The following COL20A1 variants were observed in gnomAD, a reference collection of about 807,000 sequenced individuals.
The protein encoded by COL20A1 is collagen type XX alpha 1 chain.
Under a neutral mutation model 152.9 loss-of-function variants are expected in COL20A1, and 164 were observed. The ratio of observed to expected loss-of-function variants is 1.07; its 90% CI spans 0.94 to 1.22. The LOEUF (loss-of-function observed/expected upper bound fraction) is 1.22, where lower values mean the gene tolerates loss of function less well. Among genes scored for constraint, COL20A1 ranks in the 50% most tolerant of loss-of-function variants. The pLI is 0.00. For synonymous variants in COL20A1, 864 were observed against 756.0 expected (o/e 1.14, Z -2.34); for missense variants, 1,873 against 1,744.8 (o/e 1.07, Z -1.31).
intron 27 of COL20A1, among the ~76,000 whole-genome samples, chr20:63,324,089 T>C (rs1188654851): frequency 6.6e-6 from 1 of 152,206 alleles, no homozygotes; most frequent in Non-Finnish European, 1.5e-5. Context: ...TCCCTACGTA[T>C]GTCCTCTTTT....
intron 27 of COL20A1, 133 bp downstream of exon 27, chr20:63,322,244 G>A: frequency 2.9e-6 from 2 of 699,950 alleles, no homozygotes; most frequent in Non-Finnish European, 2.2e-6. Flanking sequence ...GTCTCCCCAA[G>A]CTGCAGACAG....
intron 21 of COL20A1, among the ~76,000 whole-genome samples, chr20:63,317,009 T>C (rs2068093457): frequency 6.6e-6 from 1 of 150,886 alleles, no homozygotes; most frequent in South Asian, 2.1e-4. Context: ...CCTGAGGCGA[T>C]GGGCCAAACT....
At chr20:63,318,994 G>A (rs981255198) in intron 21 of COL20A1, 64 bp from the exon 22 acceptor site, 27 of 1,357,142 alleles carry the variant, frequency 2.0e-5, no homozygotes, top group African/African-American at 1.6e-4. Flanking sequence ...CGAGCGGATC[G>A]TTCTGCCAGG....
Position 63,319,343 on chromosome 20 carries a change from A to AG in COL20A1, c.2807-139dup. Reference sequence around the variant, plus strand: ...TGGGTGGGAGGCAGGTGTCCCGGGCAGGGGGCTGTGGGCCACATTGAGGGT... The same window carrying AG: ...TGGGTGGGAGGCAGGTGTCCCGGGCAGGGGGGCTGTGGGCCACATTGAGGGT... On this transcript the variant is annotated intron_variant, in intron 22 of 35. Transcript: ENST00000358894. This position sits in a 1 kb window ranked among gnomAD's most constrained non-coding sequence, Gnocchi z 4.4. 1.8e-6 allele frequency: 2 copies of AG among 1,120,786 alleles called. No individual in the cohort carries two copies. The highest frequency in any genetic ancestry group is 2.5e-6 in the Non-Finnish European group (2 of 792,288). 69.4% of individuals were successfully genotyped at this position (1,120,786 alleles called of 1,614,324 possible).
intron 8 of COL20A1, 116 bp from the exon 9 acceptor site, chr20:63,309,217 A>T: frequency 1.3e-6 from 1 of 788,246 alleles, no homozygotes; most frequent in Non-Finnish European, 1.8e-6. Flanking sequence ...AGGTGGGCCG[A>T]GTACAGCCCA....
Position 63,311,474 on chromosome 20 carries a change from G to A in COL20A1, c.1474G>A (p.Gly492Arg), listed in dbSNP as rs748087648. 28 of 1,576,098 alleles carry A rather than the reference G, an allele frequency of 1.8e-5. No individual in the cohort carries two copies. The South Asian group carries it at 2.3e-4, about 13-fold the overall frequency. ...TVHLTWQPSA[G>R]ATHYLVRCSP... ...CCACCTCACCTGGCAGCCCTCGGCCGGGGCCACCCACTACCTGGTGCGATG... is the reference window on the plus strand; with the variant it reads ...CCACCTCACCTGGCAGCCCTCGGCCAGGGCCACCCACTACCTGGTGCGATG... The change falls in exon 12 of 36, where the codon GGG becomes AGG. Residue 492 changes from glycine to arginine, a missense_variant. By Grantham distance (125) the Gly-to-Arg change is moderately radical. Transcript: ENST00000358894. The surrounding 1 kb of genome is among the most constrained non-coding windows in gnomAD (Gnocchi z 4.4).
chr20:63,326,781 C>T lies in COL20A1; in HGVS notation c.3486C>T (p.Gly1162=). ...RGFQGMAGAR[G]TSGERGPPGT... ...TCCAGGGCATGGCAGGGGCCAGGGG[C>T]ACTAGTGGAGAGCGAGGACCTCCAG... The change falls in exon 31 of 36, where the codon GGC becomes GGT. Residue 1162 remains glycine (G), a synonymous_variant. Transcript: ENST00000358894. 6.7e-7 allele frequency: 1 copy of T among 1,494,864 alleles called. No individual in the cohort carries two copies. The highest frequency in any genetic ancestry group is 8.8e-7 in the Non-Finnish European group (1 of 1,133,010). 92.6% of individuals were successfully genotyped at this position (1,494,864 alleles called of 1,614,324 possible).
At chr20:63,320,226 C>T in intron 24 of COL20A1, 29 bp downstream of exon 24, 2 of 1,601,188 alleles carry the variant, frequency 1.2e-6, no homozygotes, top group African/African-American at 1.3e-5. Flanking sequence ...ACCTGCTGGG[C>T]CACGCTGGTG....
chr20:63,297,996 C>A lies in COL20A1; in HGVS notation c.169C>A (p.Leu57Met), dbSNP rs144861412. The A allele has an allele frequency of 7.8e-3, 12,622 of 1,612,154 alleles. 57 individuals are homozygous for A. Among genetic ancestry groups the A allele is most frequent in the Non-Finnish European group, 8.8e-3 (10,362 of 1,179,620 alleles). ...RESEGSGLGY[L>M]VQVKPMAGDS... Reference sequence around the variant, plus strand: ...GTCGGAGGGGAGCGGCCTCGGCTACCTGGTGCAGGTGAAGCCCATGGCAGG... The same window carrying A: ...GTCGGAGGGGAGCGGCCTCGGCTACATGGTGCAGGTGAAGCCCATGGCAGG... The change falls in exon 3 of 36, where the codon CTG (leucine) becomes ATG (methionine). Residue 57 changes from leucine (L) to methionine (M), a missense_variant. Transcript: ENST00000358894.
intron 2 of COL20A1, among the ~76,000 whole-genome samples, chr20:63,296,901 T>C (rs1433056858): frequency 6.6e-6 from 1 of 151,746 alleles, no homozygotes; most frequent in Non-Finnish European, 1.5e-5. Flanking sequence ...GAAGCCCATC[T>C]CTGTCCCCAT....
intron 3 of COL20A1, among the ~76,000 whole-genome samples, chr20:63,301,185 C>T (rs555938998): frequency 3.3e-5 from 5 of 152,262 alleles, no homozygotes; most frequent in African/African-American, 1.2e-4. Context: ...CGTGGTGGCA[C>T]ACACCTGTAA....
At position 63,297,688 on chromosome 20, in the gene COL20A1, G is replaced by A. The variant is rs552102002; in HGVS notation, c.83-222G>A. On this transcript the variant is annotated intron_variant, in intron 2 of 35. Transcript: ENST00000358894. ...GGGTGGCCCTGTGACTGCGGACCCCGGGGAGGGCCGGGTTCTCCTCAGCGC... is the reference window on the plus strand; with the variant it reads ...GGGTGGCCCTGTGACTGCGGACCCCAGGGAGGGCCGGGTTCTCCTCAGCGC... Among the ~76,000 whole-genome samples, 11 of 152,216 alleles carry A rather than the reference G, an allele frequency of 7.2e-5. 1 individual carries two copies. Among genetic ancestry groups the A allele is most frequent in the Non-Finnish European group, 1.2e-4 (8 of 68,022 alleles).
intron 6 of COL20A1, 82 bp from the exon 7 acceptor site, chr20:63,307,889 C>G: frequency 6.6e-7 from 1 of 1,526,004 alleles, no homozygotes; most frequent in Non-Finnish European, 8.9e-7. Context: ...GCACGTGCAG[C>G]TCTCAGGTGT....
At chr20:63,323,159 T>C (rs1344625850) in intron 27 of COL20A1, among the ~76,000 whole-genome samples, 1 of 152,258 alleles carries the variant, frequency 6.6e-6, no homozygotes, top group African/African-American at 2.4e-5. Context: ...CCTTTGAAAG[T>C]TGCCAATATT....
At chr20:63,326,231 C>A in intron 30 of COL20A1, 82 bp downstream of exon 30, 1 of 1,098,458 alleles carries the variant, frequency 9.1e-7, no homozygotes, top group Middle Eastern at 2.5e-4. Flanking sequence ...GTCTGAACAC[C>A]AGCTGCCACC....
intron 35 of COL20A1, 142 bp downstream of exon 35, chr20:63,329,803 G>A: frequency 3.2e-6 from 2 of 626,480 alleles, no homozygotes; most frequent in Non-Finnish European, 5.5e-6. Context: ...CAGGCGAGGT[G>A]GCCCTGGGGA....
Position 63,328,124 on chromosome 20 carries a change from G to A in COL20A1, c.3610G>A (p.Ala1204Thr). The A allele has an allele frequency of 6.2e-7, 1 of 1,613,134 alleles. No homozygotes were observed. Among genetic ancestry groups the A allele is most frequent in the South Asian group, 1.1e-5 (1 of 91,018 alleles). Residue 1204 changes from alanine (A) to threonine (T), a missense_variant, in exon 33 of 36, where the codon GCC becomes ACC. Coordinates refer to ENST00000358894, the MANE Select transcript of COL20A1 (RefSeq NM_020882.4). ...CACCCTCTACCAGCTTGTGAGCCAGGCCTGTGAGTCTGCCATTCAGAGTGA... is the reference window on the plus strand; with the variant it reads ...CACCCTCTACCAGCTTGTGAGCCAGACCTGTGAGTCTGCCATTCAGAGTGA... ...LATLYQLVSQ[A>T]SHVSKFDSFH...
At chr20:63,297,174 C>T (rs2067805052) in intron 2 of COL20A1, among the ~76,000 whole-genome samples, 1 of 152,234 alleles carries the variant, frequency 6.6e-6, no homozygotes, top group Non-Finnish European at 1.5e-5. Context: ...GCACGTGCAC[C>T]TGGCAGTGAC....
intron 31 of COL20A1, 106 bp downstream of exon 31, chr20:63,326,929 TCCTACTGACCA>T: frequency 1.4e-6 from 1 of 720,584 alleles, no homozygotes; most frequent in South Asian, 2.3e-5. Flanking sequence ...CTCAGGGACT[TCCTACTGACCA>T]CCTAGGGACT....
Sources: gnomAD v4.1 joint callset for allele counts (sites outside exome capture counted in the v4.1 genomes callset) on GRCh38, gnomAD v4.1.1 for gene constraint, Gnocchi (gnomAD v3.1) non-coding constraint, MANE v1.5 for transcripts, NCBI Gene and HGNC (gene_info 2026-07-23, HGNC 2026-07-21) for gene names.